Variants in DAB1 observed in about 807,000 individuals in gnomAD.
DAB1 encodes the protein DAB adaptor protein 1.
DAB1 carries 15 observed loss-of-function variants against 64.6 expected under a neutral mutation model. The ratio of observed to expected loss-of-function variants is 0.23; its 90% CI spans 0.16 to 0.36. DAB1 has a LOEUF of 0.36. Among genes scored for constraint, DAB1 ranks in the 10% least tolerant of loss-of-function variants. The probability of loss-of-function intolerance (pLI) is 1.00; values close to 1 mark genes in which losing one functional copy is unlikely to be tolerated. For synonymous variants in DAB1, 235 were observed against 251.9 expected (o/e 0.93, Z 0.64); for missense variants, 596 against 706.7 (o/e 0.84, Z 1.78).
intron 6 of DAB1, among the ~76,000 whole-genome samples, chr1:57,765,561 A>G (rs1649272814): frequency 6.6e-6 from 1 of 152,116 alleles, no homozygotes; most frequent in Admixed American, 6.5e-5. Flanking sequence ...TTTCTCTTAA[A>G]GCCATTCCAG....
intron 6 of DAB1, among the ~76,000 whole-genome samples, chr1:57,649,947 C>T (rs942978012): frequency 2.0e-5 from 3 of 151,998 alleles, no homozygotes; most frequent in Non-Finnish European, 4.4e-5. Context: ...CACATACATA[C>T]ATATCTACAC....
intron 6 of DAB1, among the ~76,000 whole-genome samples, chr1:57,771,853 T>C (rs1041294240): frequency 2.6e-5 from 4 of 152,152 alleles, no homozygotes; most frequent in Non-Finnish European, 4.4e-5. Context: ...ATACCTACTA[T>C]AAGCAATGTT....
At chr1:57,110,347 A>G (rs564950652) in intron 4 of DAB1, among the ~76,000 whole-genome samples, 51 of 152,318 alleles carry the variant, frequency 3.3e-4, no homozygotes, top group African/African-American at 1.2e-3. Context: ...TCCATGTTCA[A>G]TGCTGTTCTG....
chr1:57,268,248 C>T (rs901235282), intron 2 of DAB1, among the ~76,000 whole-genome samples: 3 of 152,174 alleles, frequency 2.0e-5, no homozygotes, highest in African/African-American at 7.2e-5. Flanking sequence ...TTGACAATCA[C>T]TCTGGGGAAG....
intron 4 of DAB1, among the ~76,000 whole-genome samples, chr1:57,094,168 C>A (rs1046189306): frequency 6.8e-6 from 1 of 147,880 alleles, no homozygotes; most frequent in African/African-American, 2.5e-5. Flanking sequence ...ATTTTTCATT[C>A]TTTTTTCTAG....
chr1:57,989,694 C>T (rs1646300193), intron 5 of DAB1, among the ~76,000 whole-genome samples: 1 of 152,132 alleles, frequency 6.6e-6, no homozygotes, highest in Non-Finnish European at 1.5e-5. Flanking sequence ...AAACATGGGG[C>T]ACCAGGGCTG....
At chr1:57,010,923 A>G (rs1646247354) in intron 13 of DAB1, 133 bp from the exon 14 acceptor site, 8 of 853,636 alleles carry the variant, frequency 9.4e-6, no homozygotes, top group Non-Finnish European at 1.3e-5. Flanking sequence ...AGAGGATGCT[A>G]CACCACAAAT....
chr1:57,291,475 T>C (rs1363089816), intron 1 of DAB1, among the ~76,000 whole-genome samples: 1 of 152,112 alleles, frequency 6.6e-6, no homozygotes, highest in Non-Finnish European at 1.5e-5. Context: ...AACCAGAATA[T>C]ATAGCAAAGG....
chr1:58,442,579 T>G (rs706437), intron 3 of DAB1, among the ~76,000 whole-genome samples: 18,657 of 152,230 alleles, frequency 0.12, 1,388 homozygotes, highest in East Asian at 0.3. Context: ...AGACTTTTTT[T>G]GAGGAGATGT....
chr1:57,082,479 C>CAT (rs1352192881), intron 4 of DAB1, among the ~76,000 whole-genome samples: 1 of 152,194 alleles, frequency 6.6e-6, no homozygotes, highest in Non-Finnish European at 1.5e-5. Context: ...TGCATCAATA[C>CAT]ATATTAGCCA....
At chr1:57,538,440 C>T (rs780875734) in intron 7 of DAB1, among the ~76,000 whole-genome samples, 8 of 152,214 alleles carry the variant, frequency 5.3e-5, no homozygotes, top group Non-Finnish European at 8.8e-5. Flanking sequence ...TCCTGCAAAA[C>T]AAAAAACTCC....
At chr1:57,754,492 C>G (rs781652894) in intron 6 of DAB1, among the ~76,000 whole-genome samples, 1 of 151,900 alleles carries the variant, frequency 6.6e-6, no homozygotes, top group Non-Finnish European at 1.5e-5. Context: ...TTGAGACCAG[C>G]CTGGCCAAGA....
chr1:57,029,031 T>C (rs1047520998), intron 9 of DAB1, among the ~76,000 whole-genome samples: 3 of 152,220 alleles, frequency 2.0e-5, no homozygotes, highest in African/African-American at 7.2e-5. Context: ...CTCCAGGCCA[T>C]GTCAGAGACC....
intron 1 of DAB1, among the ~76,000 whole-genome samples, chr1:57,323,766 C>T (rs184592855): frequency 3.4e-4 from 52 of 151,964 alleles, no homozygotes; most frequent in South Asian, 2.7e-3. Flanking sequence ...GCACAGACTC[C>T]GGTAAGGAGT....
intron 1 of DAB1, among the ~76,000 whole-genome samples, chr1:58,542,979 A>G (rs1166905506): frequency 2.5e-5 from 2 of 81,592 alleles, no homozygotes; most frequent in Non-Finnish European, 5.7e-5. Flanking sequence ...ACTACAAACA[A>G]AAAGCTTTTT....
downstream of DAB1, among the ~76,000 whole-genome samples, chr1:57,825,530 G>A (rs931779602): frequency 2.0e-5 from 3 of 152,166 alleles, no homozygotes; most frequent in Admixed American, 6.5e-5. Context: ...ATCATCACAG[G>A]TGTTAAGGGC....
In DAB1 at chr1:58,045,935, ATT is replaced by A. The variant is rs61118687; in HGVS notation, n.387+104574_387+104575del. On this transcript the variant is annotated intron_variant and non_coding_transcript_variant, in intron 5 of 20. Coordinates refer to the DAB1 transcript ENST00000485760. The stretch of plus-strand genomic sequence containing the variant: ...ATTAGGGATTTGGGCAAGATTATCA[ATT>A]TTTTTTTTTTTTTTTTGGAGCCTCT... 4.2e-3 allele frequency among the ~76,000 whole-genome samples: 607 copies of A among 145,168 alleles called. 1 individual carries two copies. The highest frequency in any genetic ancestry group is 0.013 in the African/African-American group (525 of 39,552).
At chr1:57,573,065 G>T (rs1645211164) in intron 7 of DAB1, among the ~76,000 whole-genome samples, 1 of 152,096 alleles carries the variant, frequency 6.6e-6, no homozygotes, top group African/African-American at 2.4e-5. Context: ...CTATATCAAT[G>T]ATCATATTTA....
intron 8 of DAB1, among the ~76,000 whole-genome samples, chr1:57,064,061 A>G (rs1650670672): frequency 1.3e-5 from 2 of 152,240 alleles, no homozygotes; most frequent in Admixed American, 1.3e-4. Context: ...CTGCTGAGAC[A>G]TATGGTAAAC....
Sources: allele counts gnomAD v4.1 joint callset (sites outside exome capture counted in the v4.1 genomes callset), GRCh38; gene constraint gnomAD v4.1.1; transcripts MANE v1.5; gene names NCBI Gene and HGNC (gene_info 2026-07-23, HGNC 2026-07-21).